Variants in NUP205 observed in about 807,000 individuals in gnomAD.
NUP205 encodes the protein nuclear pore complex protein Nup205.
In NUP205, 76 loss-of-function variants were observed where a neutral mutation model predicts 253.8. The observed-to-expected ratio is 0.30, with a 90% CI of 0.25 to 0.36. The LOEUF (loss-of-function observed/expected upper bound fraction) is 0.36, where lower values mean the gene tolerates loss of function less well. Among genes scored for constraint, NUP205 ranks in the 10% least tolerant of loss-of-function variants. The pLI is 1.00. For missense variants in NUP205, 2,162 were observed against 2,425.5 expected (o/e 0.89, Z 2.28); for synonymous variants, 832 against 850.1 (o/e 0.98, Z 0.37).
In NUP205 at chr7:135,562,730, T is replaced by C. The variant is rs569754479; in HGVS notation, c.28+4758T>C. Among the ~76,000 whole-genome samples, 3 of 151,942 alleles carry C rather than the reference T, an allele frequency of 2.0e-5. No individual in the cohort carries two copies. The East Asian group carries it at 5.8e-4, about 30-fold the overall frequency. The stretch of plus-strand genomic sequence containing the variant: ...ACCCAGCTAATTTTTGTATTTTTAG[T>C]AGAGCAGGGTTTCACCGTGTTGGCC... On this transcript the variant is annotated intron_variant, in intron 1 of 42. Transcript: ENST00000285968.
chr7:135,587,847 C>T lies in NUP205; in HGVS notation c.1336-8C>T. ...CATTTCCCTACAGTCTTTGCTTACTCTTTGCAGATTGGCGAGCTATATAAA... is the reference window on the plus strand; with the variant it reads ...CATTTCCCTACAGTCTTTGCTTACTTTTTGCAGATTGGCGAGCTATATAAA... On this transcript the variant is annotated splice_region_variant and splice_polypyrimidine_tract_variant and intron_variant, in intron 9 of 42. Transcript: ENST00000285968. The T allele has an allele frequency of 6.2e-7, 1 of 1,608,612 alleles. No individual in the cohort carries two copies. Among genetic ancestry groups the T allele is most frequent in the Non-Finnish European group, 8.5e-7 (1 of 1,177,970 alleles).
chr7:135,577,250 C>CTTTTCTTTTT, intron 5 of NUP205, 122 bp downstream of exon 5: 2 of 949,718 alleles, frequency 2.1e-6, no homozygotes, highest in Middle Eastern at 4.4e-4. Context: ...CTGATTGCCA[C>CTTTTCTTTTT]TTTTCTTTTT....
intron 42 of NUP205, among the ~76,000 whole-genome samples, chr7:135,648,112 T>G (rs1584697867): frequency 6.6e-6 from 1 of 152,004 alleles, no homozygotes; most frequent in East Asian, 1.9e-4. Flanking sequence ...AATGTTTTTG[T>G]GTGTATGTTA....
At chr7:135,600,533 A>G (rs1400879228) in intron 15 of NUP205, among the ~76,000 whole-genome samples, 7 of 152,224 alleles carry the variant, frequency 4.6e-5, no homozygotes, top group African/African-American at 1.7e-4. Context: ...AATGTTTGGC[A>G]CTTGAAAAGT....
intron 6 of NUP205, 60 bp from the exon 7 acceptor site, chr7:135,578,691 T>C (rs987265323): frequency 1.6e-6 from 2 of 1,215,758 alleles, no homozygotes; most frequent in Non-Finnish European, 2.3e-6. Context: ...ATTATTCCTG[T>C]GTATCAGAAG....
At chr7:135,576,448 T>G (rs777973604) in intron 4 of NUP205, 34 bp downstream of exon 4, 1 of 1,571,070 alleles carries the variant, frequency 6.4e-7, no homozygotes, top group East Asian at 2.3e-5. Context: ...AGGGGTTAAT[T>G]TGAAATTACT....
chr7:135,634,134 C>T (rs780191588), intron 35 of NUP205, among the ~76,000 whole-genome samples: 2 of 152,088 alleles, frequency 1.3e-5, no homozygotes, highest in African/African-American at 4.8e-5. Context: ...TGAGGCCTCA[C>T]CATGTTGTCC....
chr7:135,566,597 C>G (rs1360520123), intron 1 of NUP205, among the ~76,000 whole-genome samples: 1 of 152,160 alleles, frequency 6.6e-6, no homozygotes, highest in Admixed American at 6.6e-5. Flanking sequence ...TTCCTCACAT[C>G]CCCACATCAA....
At chr7:135,596,223 C>T (rs1163514157) in intron 13 of NUP205, among the ~76,000 whole-genome samples, 1 of 152,194 alleles carries the variant, frequency 6.6e-6, no homozygotes, top group African/African-American at 2.4e-5. Flanking sequence ...CGTGAGCCAC[C>T]ACGCCCAGCC....
At chr7:135,608,664 T>C (rs992137578) in intron 22 of NUP205, among the ~76,000 whole-genome samples, 1 of 152,102 alleles carries the variant, frequency 6.6e-6, no homozygotes, top group African/African-American at 2.4e-5. Flanking sequence ...GCCAAGATCA[T>C]GCCACTGCAC....
chr7:135,587,931 A>C lies in NUP205; in HGVS notation c.1412A>C (p.Gln471Pro), dbSNP rs904996885. The C allele has an allele frequency of 3.7e-6, 6 of 1,614,044 alleles. No individual in the cohort carries two copies. The highest frequency in any genetic ancestry group is 5.1e-6 in the Non-Finnish European group (6 of 1,179,954). ...LEYWCPTEPL[Q>P]TPTIMGSYLG... The stretch of plus-strand genomic sequence containing the variant: ...TATTGGTGTCCCACAGAGCCTCTTC[A>C]GACTCCGACTATCATGGGCTCTTAT... The change falls in exon 10 of 43, where the codon CAG becomes CCG. Residue 471 changes from glutamine to proline, a missense_variant. This residue lies in a region of NUP205 where 892 missense variants were observed against 957.1 expected (regional missense o/e 0.93). Coordinates refer to ENST00000285968, the MANE Select transcript of NUP205 (RefSeq NM_015135.3).
chr7:135,626,214 A>G (rs1345088153), intron 32 of NUP205, 26 bp from the exon 33 acceptor site: 1 of 1,613,376 alleles, frequency 6.2e-7, no homozygotes, highest in Non-Finnish European at 8.5e-7. Context: ...TTCAGCACTG[A>G]TGATTTTTCT....
intron 30 of NUP205, among the ~76,000 whole-genome samples, chr7:135,622,528 A>G (rs1443587318): frequency 6.6e-6 from 1 of 151,904 alleles, no homozygotes; most frequent in Non-Finnish European, 1.5e-5. Context: ...AGAATGATTT[A>G]TCCTTTTCCA....
intron 20 of NUP205, 131 bp downstream of exon 20, chr7:135,606,357 G>C: frequency 1.5e-6 from 1 of 662,868 alleles, no homozygotes; most frequent in Non-Finnish European, 2.6e-6. Context: ...CTAGAATACA[G>C]GTTGAGAATG....
chr7:135,598,262 A>T (rs1316563294), intron 15 of NUP205, 55 bp downstream of exon 15: 1 of 1,448,720 alleles, frequency 6.9e-7, no homozygotes, highest in South Asian at 1.2e-5. Flanking sequence ...TTTTTCTTTT[A>T]TCAAAAGTAT....
chr7:135,639,870 A>T (rs963896576), intron 38 of NUP205, among the ~76,000 whole-genome samples: 23 of 152,212 alleles, frequency 1.5e-4, no homozygotes, highest in African/African-American at 5.1e-4. Flanking sequence ...ATGGAATACT[A>T]TGCAGCCATA....
At chr7:135,585,951 T>G (rs888542882) in intron 8 of NUP205, among the ~76,000 whole-genome samples, 1 of 152,224 alleles carries the variant, frequency 6.6e-6, no homozygotes, top group Non-Finnish European at 1.5e-5. Flanking sequence ...AATAGATAGC[T>G]TGAGCTGTAA....
intron 3 of NUP205, among the ~76,000 whole-genome samples, chr7:135,574,128 A>G (rs1191037442): frequency 6.6e-6 from 1 of 152,112 alleles, no homozygotes; most frequent in Non-Finnish European, 1.5e-5. Context: ...ATGTGCCACC[A>G]TGCCCGGCTA....
In NUP205 at chr7:135,604,479, C is replaced by T. The variant is rs750728651; in HGVS notation, c.2823+19C>T. 35 of 1,592,668 alleles carry T rather than the reference C, an allele frequency of 2.2e-5. No homozygotes were observed. The Admixed American group carries it at 2.4e-4, about 11-fold the overall frequency. On this transcript the variant is annotated intron_variant, in intron 19 of 42. Coordinates refer to ENST00000285968, the MANE Select transcript of NUP205 (RefSeq NM_015135.3). ...TGACCAGGTAACTGATTTTGTTGCT[C>T]TTGTTATTTTTTGGTGCATTTTGCA... is the stretch of plus-strand genomic sequence containing the variant.
Sources: allele counts gnomAD v4.1 joint callset (sites outside exome capture counted in the v4.1 genomes callset), GRCh38; gene constraint gnomAD v4.1.1; regional missense constraint gnomAD v4.1.1; transcripts MANE v1.5; gene names NCBI Gene and HGNC (gene_info 2026-07-23, HGNC 2026-07-21).